The following ADAMTSL1 variants were observed in gnomAD, a reference collection of about 807,000 sequenced individuals.
ADAMTSL1 encodes the protein ADAMTS like 1.
In ADAMTSL1, 126 loss-of-function variants were observed where a neutral mutation model predicts 201.8. That is an observed-to-expected ratio of 0.62 (90% CI 0.54 to 0.72). ADAMTSL1 has a LOEUF of 0.72. Ranked by LOEUF, ADAMTSL1 falls within the 30% of genes least tolerant of loss-of-function variation. The pLI is 0.00. For missense variants in ADAMTSL1, 2,679 were observed against 2,277.8 expected (o/e 1.18, Z -3.59); for synonymous variants, 1,121 against 903.4 (o/e 1.24, Z -4.32).
intron 2 of ADAMTSL1, among the ~76,000 whole-genome samples, chr9:18,389,033 G>C (rs1382093169): frequency 6.6e-6 from 1 of 152,090 alleles, no homozygotes; most frequent in Non-Finnish European, 1.5e-5. Context: ...GGAGTTACAG[G>C]TGTGAGCCAC....
chr9:18,731,864 G>A (rs769081376), intron 15 of ADAMTSL1, among the ~76,000 whole-genome samples: 7 of 152,144 alleles, frequency 4.6e-5, no homozygotes, highest in Non-Finnish European at 8.8e-5. Flanking sequence ...ATGGTACCAA[G>A]AGGATGATAC....
intron 3 of ADAMTSL1, among the ~76,000 whole-genome samples, chr9:18,537,393 C>T (rs951225145): frequency 6.6e-6 from 1 of 152,124 alleles, no homozygotes; most frequent in African/African-American, 2.4e-5. Flanking sequence ...ACAGCTAGTG[C>T]AAAGGCTGTG....
intron 2 of ADAMTSL1, among the ~76,000 whole-genome samples, chr9:18,224,008 A>G (rs975448558): frequency 1.3e-5 from 2 of 152,132 alleles, no homozygotes; most frequent in Non-Finnish European, 2.9e-5. Context: ...AGAGAAGTAT[A>G]AGTAAAAGCA....
At chr9:18,656,741 A>C (rs539606487) in intron 7 of ADAMTSL1, among the ~76,000 whole-genome samples, 1 of 152,136 alleles carries the variant, frequency 6.6e-6, no homozygotes, top group African/African-American at 2.4e-5. Flanking sequence ...GTAGAGTAAG[A>C]AGTAATCCTC....
chr9:18,859,027 G>T (rs1033250932), intron 23 of ADAMTSL1, among the ~76,000 whole-genome samples: 1 of 152,174 alleles, frequency 6.6e-6, no homozygotes, highest in Non-Finnish European at 1.5e-5. Context: ...CAAATAAAAT[G>T]AAATACTATT....
intron 20 of ADAMTSL1, among the ~76,000 whole-genome samples, chr9:18,802,944 T>C (rs886674249): frequency 6.6e-6 from 1 of 152,224 alleles, no homozygotes; most frequent in Non-Finnish European, 1.5e-5. Context: ...AAATTACATT[T>C]TAATATTGAC....
At chr9:18,505,494 T>G (rs1180734508) in intron 2 of ADAMTSL1, among the ~76,000 whole-genome samples, 2 of 152,146 alleles carry the variant, frequency 1.3e-5, no homozygotes, top group Non-Finnish European at 2.9e-5. Flanking sequence ...CAGTGGGAAT[T>G]GGGTCAGGAA....
At chr9:18,508,407 T>C (rs1817812406) in intron 2 of ADAMTSL1, among the ~76,000 whole-genome samples, 1 of 152,212 alleles carries the variant, frequency 6.6e-6, no homozygotes, top group African/African-American at 2.4e-5. Flanking sequence ...ATCAGACATT[T>C]TGGATGATTT....
At chr9:18,235,373 C>T (rs903223386) in intron 2 of ADAMTSL1, among the ~76,000 whole-genome samples, 6 of 152,134 alleles carry the variant, frequency 3.9e-5, no homozygotes, top group South Asian at 2.1e-4. Context: ...GCTATCAATA[C>T]GACTCATCAT....
chr9:18,850,568 A>AT (rs1826429969), intron 23 of ADAMTSL1, among the ~76,000 whole-genome samples: 1 of 152,220 alleles, frequency 6.6e-6, no homozygotes, highest in East Asian at 1.9e-4. Context: ...GAGACAGAGG[A>AT]CAGGGCACCT....
chr9:18,905,090 T>C (rs755025185), intron 26 of ADAMTSL1, among the ~76,000 whole-genome samples: 12 of 152,220 alleles, frequency 7.9e-5, no homozygotes, highest in Non-Finnish European at 1.3e-4. Flanking sequence ...GTGACCTCCA[T>C]GGGATGCGTA....
At chr9:18,065,364 T>G (rs542199630) in intron 1 of ADAMTSL1, among the ~76,000 whole-genome samples, 155 of 152,328 alleles carry the variant, frequency 1.0e-3, no homozygotes, top group Non-Finnish European at 1.8e-3. Context: ...TAAGTGTGGA[T>G]TAACTCATGG....
At chr9:18,261,543 T>A (rs1021531719) in intron 2 of ADAMTSL1, among the ~76,000 whole-genome samples, 1 of 152,210 alleles carries the variant, frequency 6.6e-6, no homozygotes, top group Non-Finnish European at 1.5e-5. Flanking sequence ...ACTCTAGAAT[T>A]CTGCACATAT....
intron 2 of ADAMTSL1, among the ~76,000 whole-genome samples, chr9:18,330,958 G>A (rs971993805): frequency 6.6e-6 from 1 of 152,218 alleles, no homozygotes; most frequent in African/African-American, 2.4e-5. Context: ...TACGTAGCTG[G>A]AGGAAGAGAA....
At chr9:18,143,503 G>GTT (rs35152809) in intron 1 of ADAMTSL1, among the ~76,000 whole-genome samples, 6 of 151,578 alleles carry the variant, frequency 4.0e-5, no homozygotes, top group East Asian at 2.0e-4. Context: ...GTGCTTTTGT[G>GTT]TTTTTTTTAA....
At chr9:18,682,430 G>A (rs1161607178) in intron 12 of ADAMTSL1, among the ~76,000 whole-genome samples, 4 of 152,080 alleles carry the variant, frequency 2.6e-5, no homozygotes, top group African/African-American at 9.7e-5. Context: ...ACATTAATAT[G>A]AGACTGAATT....
chr9:18,115,508 G>A (rs1825212454), intron 1 of ADAMTSL1, among the ~76,000 whole-genome samples: 1 of 152,152 alleles, frequency 6.6e-6, no homozygotes, highest in Non-Finnish European at 1.5e-5. Context: ...ACACACCAAT[G>A]ATAGTGGTAA....
chr9:18,865,267 A>G (rs7874886), intron 23 of ADAMTSL1, among the ~76,000 whole-genome samples: 46,330 of 150,886 alleles, frequency 0.31, 8,537 homozygotes, highest in African/African-American at 0.52. Context: ...TTCAATTCCC[A>G]CCTATGAGTG....
At chr9:18,287,521 AT>A (rs1833044016) in intron 2 of ADAMTSL1, among the ~76,000 whole-genome samples, 1 of 151,390 alleles carries the variant, frequency 6.6e-6, no homozygotes, top group Non-Finnish European at 1.5e-5. Context: ...TATGTAATAT[AT>A]TTACATATAT....
Sources: gnomAD v4.1 joint callset for allele counts (sites outside exome capture counted in the v4.1 genomes callset) on GRCh38, gnomAD v4.1.1 for gene constraint, MANE v1.5 for transcripts, NCBI Gene and HGNC (gene_info 2026-07-23, HGNC 2026-07-21) for gene names.